Variants in ROBO2 observed in about 807,000 individuals in gnomAD.
The protein encoded by ROBO2 is roundabout homolog 2.
A neutral mutation model predicts 160.8 loss-of-function variants in ROBO2; 53 were observed. The ratio of observed to expected loss-of-function variants is 0.33; its 90% CI spans 0.26 to 0.41. ROBO2 has a LOEUF of 0.41. Among genes scored for constraint, ROBO2 ranks in the 10% least tolerant of loss-of-function variants. The pLI, the probability that ROBO2 is intolerant of heterozygous loss-of-function variation, is 1.00. For synonymous variants in ROBO2, 664 were observed against 611.7 expected, an observed-to-expected ratio of 1.09 and a Z score of -1.26; for missense variants, 1,577 against 1,722.4, an observed-to-expected ratio of 0.92 and a Z score of 1.49.
intron 2 of ROBO2, among the ~76,000 whole-genome samples, chr3:76,235,621 A>G (rs1410936317): frequency 6.6e-6 from 1 of 152,204 alleles, no homozygotes; most frequent in African/African-American, 2.4e-5. Context: ...AGACATAAAA[A>G]TTTAAAGCAA....
intron 2 of ROBO2, among the ~76,000 whole-genome samples, chr3:75,999,446 A>C (rs1327376060): frequency 6.6e-6 from 1 of 152,166 alleles, no homozygotes; most frequent in African/African-American, 2.4e-5. Context: ...AAAAACTTTA[A>C]GACAATTTTT....
intron 5 of ROBO2, among the ~76,000 whole-genome samples, chr3:77,512,563 A>G (rs2089528309): frequency 6.6e-6 from 1 of 151,940 alleles, no homozygotes; most frequent in African/African-American, 2.4e-5. Context: ...ATGTATAAAA[A>G]ATCAGTACAG....
chr3:76,263,137 T>A (rs924289138), intron 2 of ROBO2, among the ~76,000 whole-genome samples: 1 of 152,094 alleles, frequency 6.6e-6, no homozygotes, highest in African/African-American at 2.4e-5. Flanking sequence ...GGTTACTACT[T>A]AACTGTAATA....
At chr3:75,988,959 G>GA (rs1367627240) in intron 2 of ROBO2, among the ~76,000 whole-genome samples, 1 of 151,624 alleles carries the variant, frequency 6.6e-6, no homozygotes, top group African/African-American at 2.4e-5. Context: ...ATCTTATATT[G>GA]AATTTTTTAT....
intron 2 of ROBO2, among the ~76,000 whole-genome samples, chr3:76,508,409 T>A (rs1436417630): frequency 6.6e-6 from 1 of 152,074 alleles, no homozygotes; most frequent in East Asian, 1.9e-4. Context: ...TGAAAAAAAA[T>A]AAGATTAAAT....
In ROBO2 at chr3:77,159,758, A is replaced by T. The variant is rs1377318265; in HGVS notation, c.388+61418A>T. Among the ~76,000 whole-genome samples, 3 of 152,286 alleles carry T rather than the reference A, an allele frequency of 2.0e-5. No homozygotes were observed. The East Asian group carries it at 5.8e-4, about 29-fold the overall frequency. On this transcript the variant is annotated intron_variant, in intron 2 of 25. Coordinates refer to ENST00000461745, the Ensembl canonical transcript of ROBO2. The stretch of plus-strand genomic sequence containing the variant: ...CATATAAACATATTGAAATTATAAA[A>T]GTGTGTAAGTTAAATAAAAATCCTG...
At chr3:76,221,599 C>T (rs1273311615) in intron 2 of ROBO2, among the ~76,000 whole-genome samples, 1 of 152,186 alleles carries the variant, frequency 6.6e-6, no homozygotes, top group East Asian at 1.9e-4. Context: ...CAACCTTCTG[C>T]AGAATCTTGG....
chr3:76,813,402 C>A (rs1178733634), intron 2 of ROBO2, among the ~76,000 whole-genome samples: 1 of 151,824 alleles, frequency 6.6e-6, no homozygotes, highest in East Asian at 1.9e-4. Flanking sequence ...AATTGTTTTG[C>A]CCATCGTTTT....
At chr3:76,718,097 G>A (rs1389760750) in intron 2 of ROBO2, among the ~76,000 whole-genome samples, 1 of 152,220 alleles carries the variant, frequency 6.6e-6, no homozygotes, top group East Asian at 1.9e-4. Context: ...AGAAGTGAGT[G>A]GATAAACGAT....
chr3:77,151,751 C>T (rs994058470), intron 2 of ROBO2, among the ~76,000 whole-genome samples: 1 of 152,250 alleles, frequency 6.6e-6, no homozygotes, highest in Non-Finnish European at 1.5e-5. Flanking sequence ...ATGGTATTTT[C>T]TCCTATGTCT....
At chr3:76,060,905 G>C (rs1409577784) in intron 2 of ROBO2, among the ~76,000 whole-genome samples, 1 of 152,136 alleles carries the variant, frequency 6.6e-6, no homozygotes, top group Non-Finnish European at 1.5e-5. Context: ...CGTGGAATTT[G>C]ATTTAATGTT....
At chr3:76,909,141 T>C (rs927360769) in intron 2 of ROBO2, among the ~76,000 whole-genome samples, 1 of 152,192 alleles carries the variant, frequency 6.6e-6, no homozygotes, top group South Asian at 2.1e-4. Flanking sequence ...GCAGGAGCAT[T>C]GCCTTGAGCC....
At chr3:77,494,280 T>A (rs184702167) in intron 5 of ROBO2, among the ~76,000 whole-genome samples, 63 of 152,232 alleles carry the variant, frequency 4.1e-4, no homozygotes, top group East Asian at 3.1e-3. Context: ...TTCTTTTTTT[T>A]AAAAAAAATT....
intron 2 of ROBO2, among the ~76,000 whole-genome samples, chr3:76,303,005 T>C (rs1229121874): frequency 6.6e-6 from 1 of 152,162 alleles, no homozygotes; most frequent in Non-Finnish European, 1.5e-5. Context: ...GTATCTCTTA[T>C]AGATAAGAAA....
intron 2 of ROBO2, among the ~76,000 whole-genome samples, chr3:76,634,886 C>T (rs2090237882): frequency 6.6e-6 from 1 of 152,190 alleles, no homozygotes; most frequent in African/African-American, 2.4e-5. Flanking sequence ...CCTGCCAGAT[C>T]AGTGGCGGCA....
Position 77,553,242 on chromosome 3 carries a change from G to T in ROBO2, c.1231+2253G>T, listed in dbSNP as rs184842929. On this transcript the variant is annotated intron_variant, in intron 8 of 25. Coordinates refer to ENST00000461745, the Ensembl canonical transcript of ROBO2. ...GATCTTTGATACTACTATAATTTTTGGGGGGTATCACAAACTGCACCCATA... is the reference window on the plus strand; with the variant it reads ...GATCTTTGATACTACTATAATTTTTTGGGGGTATCACAAACTGCACCCATA... 6.5e-3 allele frequency among the ~76,000 whole-genome samples: 981 copies of T among 151,948 alleles called. 8 individuals are homozygous for T. Among genetic ancestry groups the T allele is most frequent in the African/African-American group, 0.022 (921 of 41,478 alleles).
At chr3:76,877,382 G>T (rs377354372) in intron 2 of ROBO2, among the ~76,000 whole-genome samples, 3 of 152,154 alleles carry the variant, frequency 2.0e-5, no homozygotes, top group African/African-American at 7.2e-5. Flanking sequence ...AGTATTCTGT[G>T]CTCTAAGGTT....
chr3:77,589,299 C>T (rs1402182458), intron 17 of ROBO2, among the ~76,000 whole-genome samples: 1 of 152,062 alleles, frequency 6.6e-6, no homozygotes, highest in East Asian at 1.9e-4. Context: ...TGGATTTATG[C>T]ATGAGCATTA....
At chr3:76,438,277 A>T (rs529809502) in intron 2 of ROBO2, among the ~76,000 whole-genome samples, 7 of 152,220 alleles carry the variant, frequency 4.6e-5, no homozygotes, top group South Asian at 2.1e-4. Context: ...TTTTTGCAAT[A>T]AAGTGCTAGA....
Sources: allele counts gnomAD v4.1 joint callset (sites outside exome capture counted in the v4.1 genomes callset), GRCh38; gene constraint gnomAD v4.1.1; transcripts MANE v1.5; gene names NCBI Gene and HGNC (gene_info 2026-07-23, HGNC 2026-07-21).